Variants in SH3D21 observed in about 807,000 individuals in gnomAD.
The protein encoded by SH3D21 is SH3 domain-containing protein 21.
In SH3D21, 83 loss-of-function variants were observed where a neutral mutation model predicts 82.1. The observed-to-expected ratio is 1.01, with a 90% CI of 0.85 to 1.21. The LOEUF (loss-of-function observed/expected upper bound fraction) is 1.21, where lower values mean the gene tolerates loss of function less well. Ranked by LOEUF, SH3D21 falls within the 50% of genes most tolerant of loss-of-function variation. The pLI is 0.00. For missense variants in SH3D21, 980 were observed against 962.1 expected, an observed-to-expected ratio of 1.02 and a Z score of -0.25; for synonymous variants, 383 against 387.8, an observed-to-expected ratio of 0.99 and a Z score of 0.15.
chr1:36,314,385 T>G (rs576289504), intron 10 of SH3D21, among the ~76,000 whole-genome samples: 2 of 152,110 alleles, frequency 1.3e-5, no homozygotes, highest in African/African-American at 2.4e-5. Context: ...GAGGAAGAGT[T>G]CTCTATATAT....
At chr1:36,311,248 T>A (rs1646234507) in intron 10 of SH3D21, among the ~76,000 whole-genome samples, 1 of 150,996 alleles carries the variant, frequency 6.6e-6, no homozygotes, top group African/African-American at 2.4e-5. Flanking sequence ...TGTTTGTTTG[T>A]TTGATTGTTT....
intron 10 of SH3D21, among the ~76,000 whole-genome samples, chr1:36,317,794 C>T (rs1646369803): frequency 6.6e-6 from 1 of 152,170 alleles, no homozygotes; most frequent in South Asian, 2.1e-4. Flanking sequence ...GAACTCCTGA[C>T]CTCAAGTGAT....
rs577719961 is a variant in SH3D21 at position 36,320,695 on chromosome 1, C to T, written c.2032C>T (p.Gln678Ter). The T allele has an allele frequency of 7.4e-6, 12 of 1,614,168 alleles. No homozygotes were observed. The East Asian group carries it at 2.7e-4, about 36-fold the overall frequency. Residue 678 changes from glutamine to a stop codon, truncating the protein, a stop_gained, in exon 14 of 16, where the codon CAA (glutamine) becomes TAA (stop). Transcript: ENST00000453908. LOFTEE classifies it high-confidence loss of function. ...GCTCGCGCTCCCCTCGCTGGTCCCG[C>T]AAAACTACACGGAAAACAAGAATGA... is the stretch of plus-strand genomic sequence containing the variant. ...ETLALPSLVP[Q>*]NYTENKNEGV...
At chr1:36,312,214 C>CG (rs746681196) in intron 10 of SH3D21, among the ~76,000 whole-genome samples, 12 of 151,266 alleles carry the variant, frequency 7.9e-5, no homozygotes, top group South Asian at 2.1e-4. Flanking sequence ...TTAGTAGAGA[C>CG]GGGTTTCACC....
chr1:36,323,389 A>G (rs1646502142), downstream of SH3D21: 1 of 207,058 alleles, frequency 4.8e-6, no homozygotes, highest in Non-Finnish European at 9.6e-6. Flanking sequence ...GGCTCCGGGA[A>G]GGGAAGCTGC....
At chr1:36,316,171 G>T (rs993209893) in intron 10 of SH3D21, among the ~76,000 whole-genome samples, 1 of 152,164 alleles carries the variant, frequency 6.6e-6, no homozygotes, top group Non-Finnish European at 1.5e-5. Context: ...TTTAATCTGT[G>T]GGACTCTTGC....
rs947017786 is a variant in SH3D21 at position 36,308,409 on chromosome 1, G to A, written c.660G>A (p.Trp220Ter). 7 of 1,551,848 alleles carry A rather than the reference G, an allele frequency of 4.5e-6. No homozygotes were observed. Among genetic ancestry groups the A allele is most frequent in the African/African-American group, 1.4e-5 (1 of 73,030 alleles). ...VLSKTTEDKG[W>*]WEGECQGRRG... ...TCCAGACCACAGAGGATAAGGGCTG[G>A]TGGGAAGGAGAGTGTCAAGGACGAA... The change falls in exon 9 of 16, where the codon TGG becomes TGA. Residue 220 changes from tryptophan to a stop codon, truncating the protein, a stop_gained. Transcript: ENST00000453908. LOFTEE classifies it high-confidence loss of function.
intron 10 of SH3D21, among the ~76,000 whole-genome samples, chr1:36,310,027 T>G (rs1168288910): frequency 6.6e-6 from 1 of 152,148 alleles, no homozygotes; most frequent in Non-Finnish European, 1.5e-5. Context: ...CAATCTCGGC[T>G]CACTGCAAGC....
At chr1:36,326,854 G>T (rs2995222), downstream of SH3D21, among the ~76,000 whole-genome samples, 6 of 152,166 alleles carry the variant, frequency 3.9e-5, no homozygotes, top group Admixed American at 3.9e-4. Flanking sequence ...AAGCCCATGT[G>T]GGGAAGCAGG....
At chr1:36,323,172 GGA>G (rs1426122084), downstream of SH3D21, 1 of 949,972 alleles carries the variant, frequency 1.1e-6, no homozygotes, top group Non-Finnish European at 1.5e-6. Flanking sequence ...GTTCCACCCT[GGA>G]GAGAGCGCTT....
downstream of SH3D21, among the ~76,000 whole-genome samples, chr1:36,327,386 T>C (rs1228108970): frequency 2.6e-5 from 4 of 152,228 alleles, no homozygotes; most frequent in African/African-American, 9.7e-5. Context: ...TACAGTGTGC[T>C]TGTATGACTA....
chr1:36,323,527 G>T (rs534493839), downstream of SH3D21: 2 of 152,052 alleles, frequency 1.3e-5, no homozygotes, highest in African/African-American at 4.8e-5. Context: ...GGGTCCGGCC[G>T]CCCCCGCCCG....
Position 36,320,178 on chromosome 1 carries a change from C to T in SH3D21, c.1515C>T (p.His505=). The part of the protein sequence containing the change: ...VSTRDDIQFH[H]FSSEEALQKV... ...CCAGAGATGACATTCAATTCCATCA[C>T]TTCTCTTCGGAGGAAGCCCTGCAGA... Residue 505 remains histidine, a synonymous_variant, in exon 14 of 16, where the codon CAC becomes CAT. Transcript: ENST00000453908. The T allele has an allele frequency of 6.2e-7, 1 of 1,613,636 alleles. No individual in the cohort carries two copies.
At chr1:36,325,536 T>C (rs1031782720), downstream of SH3D21, among the ~76,000 whole-genome samples, 30 of 152,000 alleles carry the variant, frequency 2.0e-4, no homozygotes, top group African/African-American at 6.5e-4. Flanking sequence ...AGGGACAGTT[T>C]TTTTTTTGTT....
At chr1:36,314,000 A>G (rs1646294425) in intron 10 of SH3D21, among the ~76,000 whole-genome samples, 1 of 3,038 alleles carries the variant, frequency 3.3e-4, no homozygotes, top group African/African-American at 4.0e-4. Flanking sequence ...TTTGAGACGG[A>G]GTCTCGCTCT....
chr1:36,315,596 A>G (rs1194101015), intron 10 of SH3D21, among the ~76,000 whole-genome samples: 1 of 151,896 alleles, frequency 6.6e-6, no homozygotes. Flanking sequence ...TGATCCGCCC[A>G]CCTCGGCCTC....
At position 36,306,974 on chromosome 1, in the gene SH3D21, G is replaced by A. The variant is rs1646137613; in HGVS notation, c.226+69G>A. On this transcript the variant is annotated intron_variant, in intron 3 of 15. Coordinates refer to ENST00000453908, the MANE Select transcript of SH3D21 (RefSeq NM_001162530.2). This position sits in a 1 kb window ranked among gnomAD's most constrained non-coding sequence, Gnocchi z 4.5. ...GAGCCAGTGCGACCCCGGCGTCTCC[G>A]GCTCTTAGTGACGGGCGCGGCTCTG... 7.3e-7 allele frequency: 1 copy of A among 1,364,752 alleles called. No homozygotes were observed. Among genetic ancestry groups the A allele is most frequent in the South Asian group, 1.5e-5 (1 of 67,580 alleles). The allele number at this position is 1,364,752 out of a possible 1,614,324, so 84.5% of individuals were successfully genotyped here.
At chr1:36,329,647 C>T (rs565478348), downstream of SH3D21, among the ~76,000 whole-genome samples, 11 of 151,816 alleles carry the variant, frequency 7.2e-5, no homozygotes, top group East Asian at 1.7e-3. Context: ...AGCGTTTGAA[C>T]AGGGGAGACG....
chr1:36,325,824 G>A (rs961079799), downstream of SH3D21, among the ~76,000 whole-genome samples: 3 of 152,238 alleles, frequency 2.0e-5, no homozygotes, highest in South Asian at 2.1e-4. Flanking sequence ...GATTACGGGC[G>A]TGAGCCACCG....
Sources: gnomAD v4.1 joint callset for allele counts (sites outside exome capture counted in the v4.1 genomes callset) on GRCh38, gnomAD v4.1.1 for gene constraint, Gnocchi (gnomAD v3.1) non-coding constraint, MANE v1.5 for transcripts, NCBI Gene and HGNC (gene_info 2026-07-23, HGNC 2026-07-21) for gene names.